The following PFKM variants were observed in gnomAD, a reference collection of about 807,000 sequenced individuals.
PFKM encodes ATP-dependent 6-phosphofructokinase, muscle type.
A neutral mutation model predicts 95.5 loss-of-function variants in PFKM; 58 were observed. That is an observed-to-expected ratio of 0.61 (90% CI 0.49 to 0.76). The LOEUF (loss-of-function observed/expected upper bound fraction) is 0.76. PFKM is among the 30% of genes least tolerant of loss of function. The probability of loss-of-function intolerance (pLI) is 0.00; values close to 1 mark genes in which losing one functional copy is unlikely to be tolerated. For missense variants in PFKM, 678 were observed against 1,005.4 expected (o/e 0.67, Z 4.40); for synonymous variants, 336 against 357.2 (o/e 0.94, Z 0.67).
At chr12:48,122,444 CT>C in intron 1 of PFKM, 1 of 470,846 alleles carries the variant, frequency 2.1e-6, no homozygotes, top group Non-Finnish European at 3.2e-6. Context: ...TTTCTCCTCC[CT>C]TTCTCATTTC....
chr12:48,119,852 T>A (rs565039421), intron 1 of PFKM: 1 of 152,340 alleles, frequency 6.6e-6, no homozygotes, highest in South Asian at 2.1e-4. Flanking sequence ...TATACATGAG[T>A]CTGCATGAAT....
chr12:48,134,555 C>T (rs945115191), intron 7 of PFKM, among the ~76,000 whole-genome samples, 166 bp from the exon 8 acceptor site: 1 of 152,236 alleles, frequency 6.6e-6, no homozygotes, highest in Non-Finnish European at 1.5e-5. Context: ...CCGTTAGAGA[C>T]AGAATCTCAT....
At chr12:48,113,673 A>C (rs1947412432) in intron 3 of PFKM, among the ~76,000 whole-genome samples, 1 of 152,228 alleles carries the variant, frequency 6.6e-6, no homozygotes, top group African/African-American at 2.4e-5. Flanking sequence ...TGTGTGCTGG[A>C]GATGTGGCTG....
intron 7 of PFKM, among the ~76,000 whole-genome samples, 160 bp from the exon 8 acceptor site, chr12:48,134,561 C>A (rs903499071): frequency 6.6e-6 from 1 of 152,240 alleles, no homozygotes; most frequent in Non-Finnish European, 1.5e-5. Context: ...GAGACAGAAT[C>A]TCATTGAGGG....
At position 48,142,005 on chromosome 12, in the gene PFKM, A is replaced by G. The variant is rs1051230102; in HGVS notation, c.1592A>G (p.Asn531Ser). 9 of 1,614,012 alleles carry G rather than the reference A, an allele frequency of 5.6e-6. No homozygotes were observed. Among genetic ancestry groups the G allele is most frequent in the African/African-American group, 2.7e-5 (2 of 74,902 alleles). ...GTGGTCATTCCTGCTACAGTCTCCAACAATGTCCCTGGCTCAGACTTCAGC... is the reference window on the plus strand; with the variant it reads ...GTGGTCATTCCTGCTACAGTCTCCAGCAATGTCCCTGGCTCAGACTTCAGC... ...PFVVIPATVS[N>S]NVPGSDFSVG... Residue 531 changes from asparagine (N) to serine (S), a missense_variant, in exon 17 of 23, where the codon AAC becomes AGC. By Grantham distance (46) the Asn-to-Ser change is conservative (BLOSUM62 1). Transcript: ENST00000359794.
At chr12:48,111,121 C>T (rs906373184) in intron 3 of PFKM, among the ~76,000 whole-genome samples, 1 of 152,166 alleles carries the variant, frequency 6.6e-6, no homozygotes, top group Non-Finnish European at 1.5e-5. Flanking sequence ...ATAAAGACTT[C>T]GATGATGGGC....
At chr12:48,144,965 T>G in intron 20 of PFKM, 66 bp from the exon 21 acceptor site, 3 of 1,120,346 alleles carry the variant, frequency 2.7e-6, no homozygotes, top group Non-Finnish European at 1.4e-6. Flanking sequence ...TTTCTCTGTG[T>G]GTCTAGATAT....
At chr12:48,105,503 A>G (rs1565824650), upstream of PFKM, 1 of 519,104 alleles carries the variant, frequency 1.9e-6, no homozygotes, top group Non-Finnish European at 3.8e-6. Context: ...GGCACTAGCG[A>G]TATCACATCT....
At position 48,141,343 on chromosome 12, in the gene PFKM, C is replaced by G. The variant is rs765683112; in HGVS notation, c.1374C>G (p.Gly458=). The change falls in exon 15 of 23, where the codon GGC becomes GGG. Residue 458 remains glycine (G), a synonymous_variant. Transcript: ENST00000359794. ...AAGCTGGCTGGAGCTATGTTGGGGG[C>G]TGGACTGGCCAAGGTGGCTCTAAAC... is the stretch of plus-strand genomic sequence containing the variant. The part of the protein sequence containing the change: ...IEEAGWSYVG[G]WTGQGGSKLG... 5 of 1,614,088 alleles carry G rather than the reference C, an allele frequency of 3.1e-6. No homozygotes were observed. The highest frequency in any genetic ancestry group is 1.6e-4 in the Middle Eastern group (1 of 6,062).
chr12:48,141,544 C>T, intron 15 of PFKM, 163 bp downstream of exon 15: 1 of 765,642 alleles, frequency 1.3e-6, no homozygotes, highest in Non-Finnish European at 2.3e-6. Context: ...ATCTCAACAT[C>T]TTTAGCAGCT....
At chr12:48,106,099 G>C in exon 1 of PFKM, 1 of 702,670 alleles carries the variant, frequency 1.4e-6, no homozygotes, top group Non-Finnish European at 2.6e-6. Context: ...GAACCGCCGC[G>C]AACCGGAACC....
intron 18 of PFKM, 54 bp downstream of exon 18, chr12:48,143,000 T>G (rs1382680078): frequency 1.3e-6 from 2 of 1,523,422 alleles, no homozygotes; most frequent in African/African-American, 1.4e-5. Flanking sequence ...CCAGACTGTT[T>G]CCACAGTGAT....
upstream of PFKM, among the ~76,000 whole-genome samples, chr12:48,116,238 C>G (rs991617991): frequency 1.3e-5 from 2 of 149,596 alleles, no homozygotes; most frequent in Non-Finnish European, 3.0e-5. Context: ...CCTTCCCTCC[C>G]CCTCTCCCTC....
chr12:48,105,966 C>G, exon 1 of PFKM: 1 of 698,208 alleles, frequency 1.4e-6, no homozygotes, highest in Non-Finnish European at 2.6e-6. Context: ...GGGTCCGACA[C>G]AGTCTCCTGG....
rs186373169 is a variant in PFKM, at chr12:48,138,453, T to C, written c.1062+607T>C. ...CGAGAACTAGGCTGTGTGGCCTGGT[T>C]CTGAGGGCTGGTCTAAATACTCCCC... On this transcript the variant is annotated intron_variant, in intron 11 of 22. Coordinates refer to ENST00000359794, the MANE Select transcript of PFKM (RefSeq NM_000289.6). 6.2e-4 allele frequency among the ~76,000 whole-genome samples: 94 copies of C among 152,272 alleles called. 1 individual carries two copies. The highest frequency in any genetic ancestry group is 1.7e-3 in the African/African-American group (72 of 41,538).
Position 48,144,109 on chromosome 12 carries a change from G to C in PFKM, c.1944G>C (p.Gly648=), listed in dbSNP as rs1950815422. The C allele has an allele frequency of 1.9e-6, 3 of 1,614,000 alleles. No individual in the cohort carries two copies. Among genetic ancestry groups the C allele is most frequent in the Non-Finnish European group, 2.5e-6 (3 of 1,179,854 alleles). ...TTTTCAACCTGTACTCTGAGGAGGG[G>C]AAGGGCATCTTCGACAGCAGGAAGA... ...DFIFNLYSEE[G]KGIFDSRKNV... Residue 648 remains glycine, a synonymous_variant, in exon 20 of 23, where the codon GGG becomes GGC. Coordinates refer to ENST00000359794, the MANE Select transcript of PFKM (RefSeq NM_000289.6).
upstream of PFKM, among the ~76,000 whole-genome samples, chr12:48,115,785 T>G (rs1460298852): frequency 6.6e-6 from 1 of 152,186 alleles, no homozygotes; most frequent in Non-Finnish European, 1.5e-5. Context: ...TTTTACAAAT[T>G]TTGACACTTT....
chr12:48,142,694 C>T, intron 17 of PFKM, 88 bp from the exon 18 acceptor site: 2 of 1,260,148 alleles, frequency 1.6e-6, no homozygotes, highest in Non-Finnish European at 1.2e-6. Context: ...AATATAGTTC[C>T]AGGGTTTAAT....
rs367805617 is a variant in PFKM at position 48,131,396 on chromosome 12, A to G, written c.237+3A>G. Reference sequence around the variant, plus strand: ...GCGTTTCGATGATGCTTCAGCTGGTATGTTCCAGAGAACTCCCTGTCCCAT... The same window carrying G: ...GCGTTTCGATGATGCTTCAGCTGGTGTGTTCCAGAGAACTCCCTGTCCCAT... On this transcript the variant is annotated splice_donor_region_variant and intron_variant, in intron 4 of 22. Coordinates refer to ENST00000359794, the MANE Select transcript of PFKM (RefSeq NM_000289.6). The G allele has an allele frequency of 2.5e-6, 4 of 1,606,068 alleles. No individual in the cohort carries two copies. Among genetic ancestry groups the G allele is most frequent in the Admixed American group, 1.7e-5 (1 of 59,986 alleles).
Sources: gnomAD v4.1 joint callset for allele counts (sites outside exome capture counted in the v4.1 genomes callset) on GRCh38, gnomAD v4.1.1 for gene constraint, MANE v1.5 for transcripts, NCBI Gene and HGNC (gene_info 2026-07-23, HGNC 2026-07-21) for gene names.